TTC39C: variants seen among roughly 807,000 people sequenced by gnomAD.
TTC39C encodes the protein tetratricopeptide repeat domain 39C.
A neutral mutation model predicts 76.3 loss-of-function variants in TTC39C; 33 were observed. The ratio of observed to expected loss-of-function variants is 0.43; its 90% CI spans 0.33 to 0.58. The LOEUF (loss-of-function observed/expected upper bound fraction) is 0.58, where lower values mean the gene tolerates loss of function less well. Ranked by LOEUF, TTC39C falls within the 20% of genes least tolerant of loss-of-function variation. The pLI, the probability that TTC39C is intolerant of heterozygous loss-of-function variation, is 0.04. For missense variants in TTC39C, 595 were observed against 701.4 expected, an observed-to-expected ratio of 0.85 and a Z score of 1.71; for synonymous variants, 254 against 260.6, an observed-to-expected ratio of 0.97 and a Z score of 0.24.
At chr18:23,993,168 C>T (rs2083233130) in intron 1 of TTC39C, 2 of 152,124 alleles carry the variant, frequency 1.3e-5, no homozygotes, top group Admixed American at 1.3e-4. Flanking sequence ...CAAATTGAAG[C>T]TGTGATAAAA....
intron 1 of TTC39C, chr18:24,006,636 T>G (rs2083354977): frequency 6.6e-6 from 1 of 152,124 alleles, no homozygotes; most frequent in African/African-American, 2.4e-5. Context: ...TGTAAATTAG[T>G]GAGACAGGCG....
Position 24,126,369 on chromosome 18 carries a change from A to G in TTC39C, c.1420+819A>G, listed in dbSNP as rs574179880. 8.0e-5 allele frequency among the ~76,000 whole-genome samples: 12 copies of G among 150,066 alleles called. No individual in the cohort carries two copies. The South Asian group carries it at 2.3e-3, about 29-fold the overall frequency. On this transcript the variant is annotated intron_variant, in intron 10 of 13. Coordinates refer to ENST00000317571, the MANE Select transcript of TTC39C (RefSeq NM_001135993.2). ...TTTTTGACCAAATATAGCATGATCCATTGAGCCACATATTTTTATCATCAG... is the reference window on the plus strand; with the variant it reads ...TTTTTGACCAAATATAGCATGATCCGTTGAGCCACATATTTTTATCATCAG...
intron 1 of TTC39C, among the ~76,000 whole-genome samples, chr18:24,025,902 AG>A (rs1169536327): frequency 5.3e-5 from 8 of 152,174 alleles, no homozygotes; most frequent in Non-Finnish European, 1.0e-4. Flanking sequence ...GAGGCAGAGA[AG>A]GGAGTGTCTC....
intron 6 of TTC39C, among the ~76,000 whole-genome samples, chr18:24,096,492 A>G (rs952307696): frequency 6.6e-5 from 10 of 152,172 alleles, no homozygotes; most frequent in African/African-American, 2.2e-4. Flanking sequence ...TCCATCCCAA[A>G]CTAAGATTTA....
chr18:24,054,150 C>T (rs1319642672), intron 1 of TTC39C, among the ~76,000 whole-genome samples: 1 of 152,114 alleles, frequency 6.6e-6, no homozygotes, highest in Admixed American at 6.5e-5. Context: ...GAGGACTGTT[C>T]TCTACTTCTT....
chr18:24,093,910 G>A lies in TTC39C; in HGVS notation c.984+10829G>A, dbSNP rs577013184. On this transcript the variant is annotated intron_variant, in intron 6 of 13. Coordinates refer to ENST00000317571, the MANE Select transcript of TTC39C (RefSeq NM_001135993.2). ...GATCAGGATGGTGGTTGCTGAAGGT[G>A]GGGGTGGCTGTGGCAATTTCTTGAA... 3.3e-5 allele frequency among the ~76,000 whole-genome samples: 5 copies of A among 152,284 alleles called. 1 individual carries two copies. In the South Asian group the frequency reaches 1.0e-3, roughly 32 times the overall value.
intron 1 of TTC39C, among the ~76,000 whole-genome samples, chr18:24,023,101 G>A (rs1011980358): frequency 1.1e-4 from 16 of 152,152 alleles, no homozygotes; most frequent in Admixed American, 3.9e-4. Context: ...AGGCATAGCA[G>A]CTCCCCTTTA....
upstream of TTC39C, among the ~76,000 whole-genome samples, chr18:24,013,294 T>C (rs1405114296): frequency 6.6e-6 from 1 of 152,196 alleles, no homozygotes; most frequent in African/African-American, 2.4e-5. Flanking sequence ...ACTCAAGAAT[T>C]AGCATGGCTT....
intron 1 of TTC39C, among the ~76,000 whole-genome samples, chr18:24,061,992 C>T (rs1038804531): frequency 2.0e-5 from 3 of 152,322 alleles, no homozygotes; most frequent in Admixed American, 1.3e-4. Flanking sequence ...GACGATCGCC[C>T]GTCCTGCAGT....
chr18:24,098,071 T>C (rs975884144), intron 6 of TTC39C, among the ~76,000 whole-genome samples: 2 of 152,080 alleles, frequency 1.3e-5, no homozygotes, highest in East Asian at 3.8e-4. Flanking sequence ...ATATATATTA[T>C]ATTATTTTTT....
At chr18:24,099,064 TATAAC>T (rs1347518899) in intron 6 of TTC39C, among the ~76,000 whole-genome samples, 28 of 144,376 alleles carry the variant, frequency 1.9e-4, no homozygotes, top group African/African-American at 6.6e-4. Flanking sequence ...CGTATATACA[TATAAC>T]ATATATACAT....
Position 24,133,401 on chromosome 18 carries a change from A to C in TTC39C, c.*827A>C, listed in dbSNP as rs1324760016. On this transcript the variant is annotated 3_prime_UTR_variant, in exon 14 of 14. Coordinates refer to ENST00000317571, the MANE Select transcript of TTC39C (RefSeq NM_001135993.2). The stretch of plus-strand genomic sequence containing the variant: ...TTAATAGAAGATAATTTTACAACTA[A>C]AAGTGTGACTCTTTTGCTAATCTAT... 2.6e-5 allele frequency: 4 copies of C among 152,250 alleles called. No homozygotes were observed. Among genetic ancestry groups the C allele is most frequent in the Non-Finnish European group, 5.9e-5 (4 of 68,040 alleles). The allele number at this position is 152,250 out of a possible 1,614,324, so 9.4% of individuals were successfully genotyped here. A position where few individuals can be genotyped will look rare whatever the true frequency, so the allele number is the denominator to read the frequency against.
At chr18:24,084,990 A>C (rs1013572148) in intron 6 of TTC39C, among the ~76,000 whole-genome samples, 3 of 152,138 alleles carry the variant, frequency 2.0e-5, no homozygotes, top group Admixed American at 2.0e-4. Flanking sequence ...TCTTAGATTT[A>C]GATTTCTTCA....
intron 1 of TTC39C, among the ~76,000 whole-genome samples, chr18:24,048,307 A>G (rs2083909551): frequency 6.6e-6 from 1 of 152,266 alleles, no homozygotes; most frequent in African/African-American, 2.4e-5. Context: ...AATACTTGAT[A>G]AACTATAGGA....
chr18:24,048,451 A>G (rs2083911190), intron 1 of TTC39C, among the ~76,000 whole-genome samples: 2 of 152,072 alleles, frequency 1.3e-5, no homozygotes. Flanking sequence ...CTTTTTTTGC[A>G]TTTATGCAAG....
intron 5 of TTC39C, 60 bp from the exon 6 acceptor site, chr18:24,082,853 A>G (rs920847979): frequency 2.5e-5 from 37 of 1,500,452 alleles, no homozygotes; most frequent in Admixed American, 1.0e-4. Flanking sequence ...GGAGTTTTGA[A>G]AAATGGAAAT....
At chr18:24,024,012 A>AT (rs1568409158) in intron 1 of TTC39C, among the ~76,000 whole-genome samples, 1 of 6,274 alleles carries the variant, frequency 1.6e-4, no homozygotes, top group African/African-American at 5.2e-4. Flanking sequence ...ATATATATAT[A>AT]TATATTTTTT....
intron 7 of TTC39C, 26 bp from the exon 8 acceptor site, chr18:24,118,099 A>C (rs1568444179): frequency 1.5e-5 from 24 of 1,593,154 alleles, no homozygotes; most frequent in Non-Finnish European, 2.1e-5. Context: ...CTTTAGGGTC[A>C]TGTGCTAAAA....
chr18:24,120,586 T>C (rs1289580662), intron 8 of TTC39C, among the ~76,000 whole-genome samples: 1 of 152,252 alleles, frequency 6.6e-6, no homozygotes, highest in Non-Finnish European at 1.5e-5. Context: ...TTTAGGTGTA[T>C]GTGTCAGTAA....
Sources: allele counts gnomAD v4.1 joint callset (sites outside exome capture counted in the v4.1 genomes callset), GRCh38; gene constraint gnomAD v4.1.1; transcripts MANE v1.5; gene names NCBI Gene and HGNC (gene_info 2026-07-23, HGNC 2026-07-21).